Variants in SLC16A10 observed in about 807,000 individuals in gnomAD.
The protein encoded by SLC16A10 is monocarboxylate transporter 10.
Under a neutral mutation model 40.0 loss-of-function variants are expected in SLC16A10, and 27 were observed. The ratio of observed to expected loss-of-function variants is 0.67; its 90% confidence interval spans 0.50 to 0.93. The LOEUF (loss-of-function observed/expected upper bound fraction) is 0.93, where lower values mean the gene tolerates loss of function less well. SLC16A10 is among the 40% of genes least tolerant of loss of function. The pLI is 0.00. For missense variants in SLC16A10, 529 were observed against 658.2 expected (o/e 0.80, Z 2.15); for synonymous variants, 213 against 249.8 (o/e 0.85, Z 1.39).
At chr6:111,130,736 G>C (rs1206046082) in intron 1 of SLC16A10, among the ~76,000 whole-genome samples, 1 of 152,188 alleles carries the variant, frequency 6.6e-6, no homozygotes. Context: ...GCCCATCTCT[G>C]CTCTGATATA....
At chr6:111,217,512 T>G (rs1213901309) in intron 4 of SLC16A10, among the ~76,000 whole-genome samples, 1 of 152,134 alleles carries the variant, frequency 6.6e-6, no homozygotes, top group Non-Finnish European at 1.5e-5. Flanking sequence ...TGCAGTGGCA[T>G]GATCTCGGCT....
chr6:111,214,348 T>C (rs1773388331), intron 4 of SLC16A10, among the ~76,000 whole-genome samples: 1 of 152,218 alleles, frequency 6.6e-6, no homozygotes, highest in Non-Finnish European at 1.5e-5. Flanking sequence ...AGATTGTATG[T>C]AATACTAAGT....
intron 3 of SLC16A10, among the ~76,000 whole-genome samples, chr6:111,202,884 CAAAAAAAAAA>C (rs567667458): frequency 2.3e-5 from 2 of 86,314 alleles, no homozygotes; most frequent in Admixed American, 2.6e-4. Flanking sequence ...GAGACTCCAT[CAAAAAAAAAA>C]AAAAAAAAAA....
intron 1 of SLC16A10, among the ~76,000 whole-genome samples, chr6:111,092,249 G>A (rs1770988611): frequency 1.3e-5 from 2 of 151,890 alleles, no homozygotes; most frequent in Non-Finnish European, 2.9e-5. Flanking sequence ...GCACTCAGAG[G>A]AGTGTCTCAC....
intron 1 of SLC16A10, among the ~76,000 whole-genome samples, chr6:111,099,439 A>G (rs1327120160): frequency 1.3e-5 from 2 of 151,874 alleles, no homozygotes; most frequent in Non-Finnish European, 2.9e-5. Flanking sequence ...CAGCCTCCCG[A>G]GTAGCTGGGA....
At chr6:111,146,130 A>G (rs1055003582) in intron 1 of SLC16A10, among the ~76,000 whole-genome samples, 4 of 152,266 alleles carry the variant, frequency 2.6e-5, no homozygotes, top group Non-Finnish European at 5.9e-5. Flanking sequence ...AAGTAACACA[A>G]TTTAAAAATG....
At chr6:111,188,496 T>C (rs1027105532) in intron 3 of SLC16A10, among the ~76,000 whole-genome samples, 3 of 152,162 alleles carry the variant, frequency 2.0e-5, no homozygotes, top group Non-Finnish European at 4.4e-5. Flanking sequence ...AGGATATATA[T>C]ATATATTTAG....
intron 4 of SLC16A10, among the ~76,000 whole-genome samples, chr6:111,217,186 C>G (rs1773439974): frequency 6.6e-6 from 1 of 152,210 alleles, no homozygotes; most frequent in African/African-American, 2.4e-5. Context: ...CAGGACGGCT[C>G]CATCTTCTGT....
chr6:111,097,555 C>T (rs1217391941), intron 1 of SLC16A10, among the ~76,000 whole-genome samples: 1 of 152,010 alleles, frequency 6.6e-6, no homozygotes, highest in Non-Finnish European at 1.5e-5. Context: ...CTCAGGTGAC[C>T]CACCCGCCTC....
At chr6:111,122,025 C>G (rs192963350) in intron 1 of SLC16A10, among the ~76,000 whole-genome samples, 1 of 152,152 alleles carries the variant, frequency 6.6e-6, no homozygotes, top group Non-Finnish European at 1.5e-5. Flanking sequence ...CACTGTTGCC[C>G]TCACCTTGGG....
intron 1 of SLC16A10, among the ~76,000 whole-genome samples, chr6:111,147,305 C>A (rs1477047145): frequency 6.6e-6 from 1 of 151,860 alleles, no homozygotes. Context: ...GTATTTATAG[C>A]CAAATTTGAT....
At chr6:111,172,576 G>A (rs1772604912) in intron 1 of SLC16A10, 119 bp from the exon 2 acceptor site, 1 of 1,203,976 alleles carries the variant, frequency 8.3e-7, no homozygotes, top group Non-Finnish European at 1.1e-6. Flanking sequence ...CTAAGCTTAG[G>A]CACTATACTC....
chr6:111,154,975 A>G (rs1331944131), intron 1 of SLC16A10, among the ~76,000 whole-genome samples: 3 of 149,808 alleles, frequency 2.0e-5, no homozygotes, highest in Non-Finnish European at 4.4e-5. Flanking sequence ...GTGAACTGAA[A>G]TCACACCACT....
In SLC16A10 at chr6:111,101,812, G is replaced by A. The variant is rs565341192; in HGVS notation, c.343+13717G>A. ...ATTTTTGTATTCTTAGTAGAGACAG[G>A]GTTTCGCCGTGTTGGCCAGGCTGGT... On this transcript the variant is annotated intron_variant, in intron 1 of 5. Transcript: ENST00000368851. 3.8e-4 allele frequency among the ~76,000 whole-genome samples: 58 copies of A among 152,274 alleles called. 2 individuals carry two copies. In the South Asian group the frequency reaches 0.01, roughly 27 times the overall value.
intron 3 of SLC16A10, among the ~76,000 whole-genome samples, chr6:111,195,737 T>C (rs912046175): frequency 3.3e-5 from 5 of 152,012 alleles, no homozygotes; most frequent in Admixed American, 1.3e-4. Flanking sequence ...TCCAAAGACA[T>C]TTCTTTCCCT....
chr6:111,188,497 A>G (rs766057930), intron 3 of SLC16A10, among the ~76,000 whole-genome samples: 12 of 152,102 alleles, frequency 7.9e-5, no homozygotes, highest in Non-Finnish European at 1.6e-4. Context: ...GGATATATAT[A>G]TATATTTAGA....
intron 3 of SLC16A10, among the ~76,000 whole-genome samples, chr6:111,180,816 G>T (rs1326149408): frequency 6.6e-6 from 1 of 151,992 alleles, no homozygotes; most frequent in African/African-American, 2.4e-5. Flanking sequence ...CTAAAAAACA[G>T]ATAATAAATA....
chr6:111,144,534 T>TA lies in SLC16A10; in HGVS notation c.344-28157dup, dbSNP rs201840030. Among the ~76,000 whole-genome samples, 213 of 152,318 alleles carry TA rather than the reference T, an allele frequency of 1.4e-3. 6 individuals are homozygous for TA. In the East Asian group the frequency reaches 0.039, roughly 28 times the overall value. On this transcript the variant is annotated intron_variant, in intron 1 of 5. Coordinates refer to ENST00000368851, the MANE Select transcript of SLC16A10 (RefSeq NM_018593.5). ...AATGATTTTTATCAAAGATGTAAAT[T>TA]AAAACAAATGTAAAAATAAAAAACA...
intron 1 of SLC16A10, among the ~76,000 whole-genome samples, chr6:111,092,315 G>GTTTTTTTTTTTT (rs1173275647): frequency 1.0e-5 from 1 of 98,594 alleles, no homozygotes; most frequent in African/African-American, 4.1e-5. Flanking sequence ...TTTTTTTGTT[G>GTTTTTTTTTTTT]TTTTTTTTTT....
Sources: allele counts gnomAD v4.1 joint callset (sites outside exome capture counted in the v4.1 genomes callset), GRCh38; gene constraint gnomAD v4.1.1; transcripts MANE v1.5; gene names NCBI Gene and HGNC (gene_info 2026-07-23, HGNC 2026-07-21).